OTOA: variants seen among roughly 807,000 people sequenced by gnomAD.
OTOA encodes cancer/testis antigen 108.
OTOA carries 70 observed loss-of-function variants against 110.8 expected under a neutral mutation model. The ratio of observed to expected loss-of-function variants is 0.63; its 90% CI spans 0.52 to 0.77. OTOA has a LOEUF of 0.77. Ranked by LOEUF, OTOA falls within the 30% of genes least tolerant of loss-of-function variation. The pLI, the probability that OTOA is intolerant of heterozygous loss-of-function variation, is 0.00. For missense variants in OTOA, 917 were observed against 1,075.8 expected, an observed-to-expected ratio of 0.85 and a Z score of 2.06; for synonymous variants, 373 against 431.5, an observed-to-expected ratio of 0.86 and a Z score of 1.68.
chr16:21,715,390 A>G (rs1210941505), intron 14 of OTOA, among the ~76,000 whole-genome samples: 2 of 151,528 alleles, frequency 1.3e-5, no homozygotes, highest in Non-Finnish European at 2.9e-5. Context: ...CTAATCTGGA[A>G]GACTTTTCTT....
chr16:21,695,511 C>G (rs1897914799), intron 9 of OTOA, among the ~76,000 whole-genome samples: 1 of 152,006 alleles, frequency 6.6e-6, no homozygotes, highest in Non-Finnish European at 1.5e-5. Flanking sequence ...TTCCAGCCCT[C>G]TATATAGGCA....
chr16:21,698,232 A>G (rs1897983889), intron 10 of OTOA, among the ~76,000 whole-genome samples: 1 of 152,224 alleles, frequency 6.6e-6, no homozygotes, highest in Non-Finnish European at 1.5e-5. Context: ...AAAGTTTCCC[A>G]TCCTTGGGAT....
At chr16:21,719,545 T>C (rs756546488) in intron 17 of OTOA, 41 bp downstream of exon 17, 10 of 1,545,352 alleles carry the variant, frequency 6.5e-6, no homozygotes, top group East Asian at 2.2e-5. Context: ...TCTCTCTCCC[T>C]ACCCCAGTCA....
chr16:21,678,415 TA>T, intron 1 of OTOA, 95 bp from the exon 2 acceptor site: 2 of 761,802 alleles, frequency 2.6e-6, no homozygotes, highest in Non-Finnish European at 4.2e-6. Flanking sequence ...TCCATATATA[TA>T]TATATGTTTA....
At chr16:21,690,583 C>A (rs945822219) in intron 8 of OTOA, among the ~76,000 whole-genome samples, 1 of 152,000 alleles carries the variant, frequency 6.6e-6, no homozygotes, top group East Asian at 1.9e-4. Flanking sequence ...TTTTCTTTAT[C>A]CAGTCTATTA....
intron 17 of OTOA, 57 bp downstream of exon 17, chr16:21,719,561 C>A: frequency 1.4e-6 from 2 of 1,460,372 alleles, no homozygotes; most frequent in Non-Finnish European, 9.6e-7. Context: ...AGTCACTGGG[C>A]CTGGATTGGC....
intron 10 of OTOA, among the ~76,000 whole-genome samples, chr16:21,698,731 T>A (rs2030234445): frequency 6.6e-6 from 1 of 152,100 alleles, no homozygotes; most frequent in Non-Finnish European, 1.5e-5. Flanking sequence ...TGTCTTCCGA[T>A]TTTTATAACC....
chr16:21,709,986 A>C lies in OTOA; in HGVS notation c.1203A>C (p.Gln401His). Residue 401 changes from glutamine (Q) to histidine (H), a missense_variant, in exon 13 of 29, where the codon CAA (glutamine) becomes CAC (histidine). Around this residue, in one of 6 missense-constraint regions of OTOA, gnomAD observed 840 missense variants for 910.2 expected, o/e 0.92. Coordinates refer to ENST00000646100, the MANE Select transcript of OTOA (RefSeq NM_144672.4). ...SDAVVGLTYS[Q>H]LESLSPEAVH... is the part of the protein sequence containing the mutation. ...CAGTTGTAGGTTTGACCTACAGCCA[A>C]CTGGAATCCCTCTCCCCCGAGGCTG... 6.2e-7 allele frequency: 1 copy of C among 1,614,000 alleles called. No individual in the cohort carries two copies. The highest frequency in any genetic ancestry group is 8.5e-7 in the Non-Finnish European group (1 of 1,179,964).
intron 17 of OTOA, chr16:21,721,592 T>C (rs1898745109): frequency 7.0e-6 from 3 of 431,446 alleles, no homozygotes; most frequent in Non-Finnish European, 1.4e-5. Flanking sequence ...AGTTTTCTTT[T>C]ATATATAAAA....
chr16:21,716,135 A>G (rs1418938281), intron 14 of OTOA, among the ~76,000 whole-genome samples: 2 of 151,748 alleles, frequency 1.3e-5, no homozygotes, highest in Non-Finnish European at 2.9e-5. Context: ...TCCTGGGCTC[A>G]AGTGATCTAC....
At chr16:21,664,887 G>A (rs749133289) in intron 1 of OTOA, among the ~76,000 whole-genome samples, 44 of 151,974 alleles carry the variant, frequency 2.9e-4, no homozygotes, top group Admixed American at 4.6e-4. Context: ...CAGGAGAATC[G>A]CATCAATCCG....
Position 21,674,906 on chromosome 16 carries a change from T to TTTG in OTOA, c.-4-3603_-4-3602insGTT, listed in dbSNP as rs1268595828. Among the ~76,000 whole-genome samples, 15 of 142,152 alleles carry TTTG rather than the reference T, an allele frequency of 1.1e-4. 1 individual carries two copies. In the South Asian group the frequency reaches 2.0e-3, roughly 19 times the overall value. The allele number at this position is 142,152 out of a possible 152,430, so 93.3% of individuals were successfully genotyped here. ...ATTTTTTTTAAAAATCTTTTTTTTT[T>TTTG]TTTTTTTTTTTTTTTTAGCAATTTG... is the stretch of plus-strand genomic sequence containing the variant. On this transcript the variant is annotated intron_variant, in intron 1 of 28. Coordinates refer to ENST00000646100, the MANE Select transcript of OTOA (RefSeq NM_144672.4).
intron 9 of OTOA, among the ~76,000 whole-genome samples, chr16:21,695,892 T>TATATATATATATATATA (rs377002847): frequency 4.7e-4 from 10 of 21,056 alleles, no homozygotes; most frequent in African/African-American, 1.2e-3. Context: ...TATATATATA[T>TATATATATATATATATA]TTTTTTTTTT....
intron 19 of OTOA, chr16:21,726,990 G>A: frequency 6.0e-6 from 2 of 335,252 alleles, no homozygotes; most frequent in East Asian, 7.4e-5. Flanking sequence ...TAAGGTGGGG[G>A]GAGTAGCACA....
chr16:21,720,920 T>TATC (rs1555500492), intron 17 of OTOA, among the ~76,000 whole-genome samples: 1 of 149,102 alleles, frequency 6.7e-6, no homozygotes, highest in Non-Finnish European at 1.5e-5. Context: ...TTATTATTAT[T>TATC]ATCATTATTA....
chr16:21,758,214 T>C (rs1400509699), intron 28 of OTOA, among the ~76,000 whole-genome samples: 1 of 151,942 alleles, frequency 6.6e-6, no homozygotes, highest in Non-Finnish European at 1.5e-5. Flanking sequence ...CACTTCTTTG[T>C]GATAACTTCT....
At chr16:21,691,537 C>G in intron 8 of OTOA, 47 bp from the exon 9 acceptor site, 1 of 1,500,718 alleles carries the variant, frequency 6.7e-7, no homozygotes, top group Admixed American at 1.7e-5. Flanking sequence ...TTTAATGCAG[C>G]CCCCACCTGC....
At chr16:21,712,321 C>T (rs1254105849) in intron 13 of OTOA, among the ~76,000 whole-genome samples, 1 of 149,870 alleles carries the variant, frequency 6.7e-6, no homozygotes, top group African/African-American at 2.5e-5. Context: ...AGCTACAGAG[C>T]AAGACTCTGT....
chr16:21,703,687 G>A (rs1382888786), intron 11 of OTOA, among the ~76,000 whole-genome samples: 1 of 151,972 alleles, frequency 6.6e-6, no homozygotes, highest in East Asian at 1.9e-4. Flanking sequence ...CTTTTCCCTG[G>A]ACCTGGCAGC....
Sources: allele counts gnomAD v4.1 joint callset (sites outside exome capture counted in the v4.1 genomes callset), GRCh38; gene constraint gnomAD v4.1.1; regional missense constraint gnomAD v4.1.1; transcripts MANE v1.5; gene names NCBI Gene and HGNC (gene_info 2026-07-23, HGNC 2026-07-21).